S100PBP: variants seen among roughly 807,000 people sequenced by gnomAD.
The protein encoded by S100PBP is S100P-binding protein.
S100PBP carries 15 observed loss-of-function variants against 39.9 expected under a neutral mutation model. That is an observed-to-expected ratio of 0.38 (90% CI 0.25 to 0.58). S100PBP has a LOEUF of 0.58. Among genes scored for constraint, S100PBP ranks in the 20% least tolerant of loss-of-function variants. The pLI, the probability that S100PBP is intolerant of heterozygous loss-of-function variation, is 0.70. For missense variants in S100PBP, 504 were observed against 487.3 expected (o/e 1.03, Z -0.32); for synonymous variants, 178 against 180.3 (o/e 0.99, Z 0.10).
In S100PBP at chr1:32,842,125, G is replaced by A. The variant is rs568279874; in HGVS notation, c.1025-10954G>A. 2.1e-5 allele frequency among the ~76,000 whole-genome samples: 3 copies of A among 144,592 alleles called. No homozygotes were observed. The South Asian group carries it at 6.6e-4, about 32-fold the overall frequency. The allele number at this position is 144,592 out of a possible 152,430, so 94.9% of individuals were successfully genotyped here. ...GATTGCTTAAGCCCAGAAGAGGGAG[G>A]TTGCATTGATGCACCACTGCACTCC... On this transcript the variant is annotated intron_variant, in intron 5 of 6. Coordinates refer to ENST00000373475, the MANE Select transcript of S100PBP (RefSeq NM_022753.4).
chr1:32,840,646 C>T (rs1640044561), intron 5 of S100PBP, among the ~76,000 whole-genome samples: 1 of 152,020 alleles, frequency 6.6e-6, no homozygotes, highest in Non-Finnish European at 1.5e-5. Context: ...TGTGAGCCAC[C>T]ACGCCCGACC....
chr1:32,851,865 T>C (rs1640624529), intron 5 of S100PBP, among the ~76,000 whole-genome samples: 1 of 152,194 alleles, frequency 6.6e-6, no homozygotes, highest in South Asian at 2.1e-4. Flanking sequence ...ATAATGTATG[T>C]TAAAATTTGC....
chr1:32,844,737 A>G (rs1027385177), intron 5 of S100PBP, among the ~76,000 whole-genome samples: 2 of 152,034 alleles, frequency 1.3e-5, no homozygotes, highest in Admixed American at 1.3e-4. Context: ...TCTGATTTCT[A>G]TTCCGAGATA....
upstream of S100PBP, chr1:32,817,145 G>A (rs754655435): frequency 3.7e-6 from 6 of 1,611,278 alleles, no homozygotes; most frequent in African/African-American, 8.0e-5. Context: ...TGAACCTCGG[G>A]CTCCTAATCC....
chr1:32,851,555 A>G (rs1360395175), intron 5 of S100PBP, among the ~76,000 whole-genome samples: 1 of 152,040 alleles, frequency 6.6e-6, no homozygotes, highest in Non-Finnish European at 1.5e-5. Context: ...AATCCCAGCT[A>G]CTTAGGAGGC....
intron 5 of S100PBP, chr1:32,847,735 C>T (rs1640441122): frequency 6.6e-6 from 1 of 151,926 alleles, no homozygotes; most frequent in Non-Finnish European, 1.5e-5. Context: ...GACACATTTG[C>T]ATTCTTGCCT....
Position 32,826,541 on chromosome 1 carries a change from G to C in S100PBP, c.442G>C (p.Val148Leu), listed in dbSNP as rs368729240. ...AGAAAAGAATCTTATAAAAGTAACT[G>C]TTGCACCATTTAATCCAACAGTTTG... ...VLEKNLIKVT[V>L]APFNPTVCDA... Residue 148 changes from valine (V) to leucine (L), a missense_variant, in exon 3 of 7, where the codon GTT becomes CTT. By Grantham distance (32) the Val-to-Leu change is conservative. Transcript: ENST00000373475. 10 of 1,613,804 alleles carry C rather than the reference G, an allele frequency of 6.2e-6. No individual in the cohort carries two copies. The highest frequency in any genetic ancestry group is 8.5e-6 in the Non-Finnish European group (10 of 1,180,016).
rs1054271617 is a variant in S100PBP, at chr1:32,858,543, G to T, written c.*2505G>T. On this transcript the variant is annotated 3_prime_UTR_variant, in exon 7 of 7. Coordinates refer to ENST00000373475, the MANE Select transcript of S100PBP (RefSeq NM_022753.4). ...CAAAGCTGCATATCTCTTATATTTGGTATTGGCCTCTAAGTCTAATATTGC... is the reference window on the plus strand; with the variant it reads ...CAAAGCTGCATATCTCTTATATTTGTTATTGGCCTCTAAGTCTAATATTGC... The T allele has an allele frequency of 6.6e-6, 1 of 152,290 alleles. No individual in the cohort carries two copies. Among genetic ancestry groups the T allele is most frequent in the Non-Finnish European group, 1.5e-5 (1 of 68,028 alleles). The allele number at this position is 152,290 out of a possible 1,614,324, so 9.4% of individuals were successfully genotyped here. A position where few individuals can be genotyped will look rare whatever the true frequency, so the allele number is the denominator to read the frequency against.
intron 5 of S100PBP, among the ~76,000 whole-genome samples, chr1:32,852,063 C>A (rs1037281239): frequency 5.9e-5 from 9 of 152,204 alleles, no homozygotes; most frequent in African/African-American, 1.9e-4. Flanking sequence ...TGGTGGCTCA[C>A]ACCTGTAATC....
At chr1:32,839,377 T>C (rs751618348) in intron 5 of S100PBP, among the ~76,000 whole-genome samples, 4 of 152,262 alleles carry the variant, frequency 2.6e-5, no homozygotes, top group African/African-American at 9.6e-5. Flanking sequence ...TATCCATTTA[T>C]ATATCAATGG....
chr1:32,822,862 G>A (rs958724015), intron 1 of S100PBP, among the ~76,000 whole-genome samples: 1 of 152,072 alleles, frequency 6.6e-6, no homozygotes, highest in Non-Finnish European at 1.5e-5. Context: ...TCCTATTAAG[G>A]TGGCTTAAAA....
At chr1:32,817,047 G>A (rs554996995), upstream of S100PBP, 5 of 1,079,536 alleles carry the variant, frequency 4.6e-6, no homozygotes, top group East Asian at 2.4e-5. Flanking sequence ...CCGACCAGCA[G>A]TGAGATCTAC....
At chr1:32,853,603 A>G (rs1364510741) in intron 6 of S100PBP, among the ~76,000 whole-genome samples, 5 of 151,924 alleles carry the variant, frequency 3.3e-5, no homozygotes, top group Non-Finnish European at 7.4e-5. Flanking sequence ...ATAATGGAAT[A>G]AGAACTGGAC....
chr1:32,836,704 G>A, intron 5 of S100PBP: 1 of 452,678 alleles, frequency 2.2e-6, no homozygotes, highest in Non-Finnish European at 2.9e-6. Context: ...CCCTGCAACA[G>A]AGCTGTCATC....
chr1:32,832,172 A>G (rs1405163945), intron 5 of S100PBP, among the ~76,000 whole-genome samples: 2 of 152,252 alleles, frequency 1.3e-5, no homozygotes, highest in African/African-American at 2.4e-5. Context: ...CTTAACTTAC[A>G]TGAAAATTAT....
At chr1:32,848,093 A>AGT (rs1640457473) in intron 5 of S100PBP, among the ~76,000 whole-genome samples, 1 of 152,002 alleles carries the variant, frequency 6.6e-6, no homozygotes, top group South Asian at 2.1e-4. Context: ...TGGATCATGA[A>AGT]GTCAGGAGTT....
chr1:32,855,267 T>A (rs1640776233), intron 6 of S100PBP, among the ~76,000 whole-genome samples: 1 of 152,128 alleles, frequency 6.6e-6, no homozygotes, highest in Non-Finnish European at 1.5e-5. Flanking sequence ...TTTTTTAAAT[T>A]TTAGAATGCG....
Position 32,856,277 on chromosome 1 carries a change from GT to G in S100PBP, c.*248del, listed in dbSNP as rs907888071. ...TTTAAGCAAGCGTTCGGTTGGTATA[GT>G]TTTTTTTTGTTTTTTTAATTTAAAT... On this transcript the variant is annotated 3_prime_UTR_variant, in exon 7 of 7. Transcript: ENST00000373475. 1.6e-4 allele frequency: 36 copies of G among 225,468 alleles called. No homozygotes were observed. Among genetic ancestry groups the G allele is most frequent in the Middle Eastern group, 1.5e-3 (1 of 678 alleles). The allele number at this position is 225,468 out of a possible 1,614,324, so 14.0% of individuals were successfully genotyped here.
At chr1:32,835,787 A>C (rs1272403302) in intron 5 of S100PBP, 2 of 151,620 alleles carry the variant, frequency 1.3e-5, no homozygotes, top group African/African-American at 4.8e-5. Flanking sequence ...CTCACCACTC[A>C]ATTTCCTTCC....
Sources: allele counts gnomAD v4.1 joint callset (sites outside exome capture counted in the v4.1 genomes callset), GRCh38; gene constraint gnomAD v4.1.1; transcripts MANE v1.5; gene names NCBI Gene and HGNC (gene_info 2026-07-23, HGNC 2026-07-21).